FMNL2: variants seen among roughly 807,000 people sequenced by gnomAD.
The protein encoded by FMNL2 is formin like 2.
In FMNL2, 51 loss-of-function variants were observed where a neutral mutation model predicts 130.2. The ratio of observed to expected loss-of-function variants is 0.39; its 90% CI spans 0.31 to 0.49. The LOEUF (loss-of-function observed/expected upper bound fraction) is 0.49. Among genes scored for constraint, FMNL2 ranks in the 20% least tolerant of loss-of-function variants. The probability of loss-of-function intolerance (pLI) is 0.85; values close to 1 mark genes in which losing one functional copy is unlikely to be tolerated. For missense variants in FMNL2, 977 were observed against 1,316.2 expected, an observed-to-expected ratio of 0.74 and a Z score of 3.99; for synonymous variants, 465 against 467.1, an observed-to-expected ratio of 1.00 and a Z score of 0.06.
intron 1 of FMNL2, among the ~76,000 whole-genome samples, chr2:152,393,197 CTG>C (rs1348519261): frequency 6.6e-6 from 1 of 152,144 alleles, no homozygotes; most frequent in Non-Finnish European, 1.5e-5. Flanking sequence ...AGGTAAGACA[CTG>C]TGGTATCAAC....
intron 18 of FMNL2, among the ~76,000 whole-genome samples, chr2:152,628,811 C>A (rs1029858221): frequency 2.0e-5 from 3 of 152,132 alleles, no homozygotes; most frequent in African/African-American, 7.2e-5. Context: ...GGACAGGGGA[C>A]AAAGAAACTT....
chr2:152,430,278 C>T (rs1687425951), intron 1 of FMNL2, among the ~76,000 whole-genome samples: 1 of 152,184 alleles, frequency 6.6e-6, no homozygotes. Context: ...GAACTTGCGA[C>T]CAGGCTATCC....
At chr2:152,407,859 A>G (rs1448745079) in intron 1 of FMNL2, among the ~76,000 whole-genome samples, 2 of 152,182 alleles carry the variant, frequency 1.3e-5, no homozygotes, top group African/African-American at 4.8e-5. Flanking sequence ...AACAATCACC[A>G]CTGCAGTACC....
In FMNL2 at chr2:152,637,686, G is replaced by C; in HGVS notation, c.2946+12G>C. 4 of 1,609,700 alleles carry C rather than the reference G, an allele frequency of 2.5e-6. No homozygotes were observed. Among genetic ancestry groups the C allele is most frequent in the South Asian group, 1.1e-5 (1 of 90,972 alleles). ...TGAAAGCATATAAGGTATATGTTAA[G>C]GCCCTCCTTGCCCTTATTTCTCAAG... is the stretch of plus-strand genomic sequence containing the variant. On this transcript the variant is annotated intron_variant, in intron 23 of 25. Coordinates refer to ENST00000288670, the MANE Select transcript of FMNL2 (RefSeq NM_052905.4).
chr2:152,375,869 C>CTATATATA (rs1376054574), intron 1 of FMNL2, among the ~76,000 whole-genome samples: 18 of 113,272 alleles, frequency 1.6e-4, no homozygotes, highest in African/African-American at 4.7e-4. Flanking sequence ...CTCTCTCTCT[C>CTATATATA]TCTCTCTCTA....
intron 1 of FMNL2, among the ~76,000 whole-genome samples, chr2:152,520,316 A>T (rs1280036949): frequency 2.0e-5 from 3 of 152,142 alleles, no homozygotes; most frequent in Non-Finnish European, 2.9e-5. Flanking sequence ...ATTTTAGGCC[A>T]GGCATGGTGG....
Position 152,505,688 on chromosome 2 carries a change from GAAGGATACT to G in FMNL2, c.118-16250_118-16242del, listed in dbSNP as rs113078757. Among the ~76,000 whole-genome samples, 976 of 152,350 alleles carry G rather than the reference GAAGGATACT, an allele frequency of 6.4e-3. 7 individuals are homozygous for G. The highest frequency in any genetic ancestry group is 0.022 in the African/African-American group (923 of 41,594). On this transcript the variant is annotated intron_variant, in intron 1 of 25. Transcript: ENST00000288670. ...AGAGTCACAGGACTGTGGGTTAGAA[GAAGGATACT>G]AAGGGTCATCGGGCTCCAGCCGGCT...
chr2:152,531,802 G>A (rs1237296943), intron 2 of FMNL2, among the ~76,000 whole-genome samples: 2 of 152,136 alleles, frequency 1.3e-5, no homozygotes, highest in African/African-American at 4.8e-5. Flanking sequence ...TGGGATCACT[G>A]GAGCCTGGGT....
intron 23 of FMNL2, 71 bp downstream of exon 23, chr2:152,637,745 A>C: frequency 7.2e-7 from 1 of 1,397,630 alleles, no homozygotes; most frequent in Admixed American, 1.8e-5. Context: ...CTGAGTCCCA[A>C]CTCTCTGCAG....
intron 1 of FMNL2, among the ~76,000 whole-genome samples, chr2:152,416,085 G>A (rs1452558004): frequency 6.6e-6 from 1 of 151,914 alleles, no homozygotes; most frequent in African/African-American, 2.4e-5. Flanking sequence ...ATGGAGGAGG[G>A]CTTTTCAGGA....
intron 1 of FMNL2, among the ~76,000 whole-genome samples, chr2:152,386,664 TTGTC>T (rs142670803): frequency 0.21 from 31,293 of 151,922 alleles, 3,452 homozygotes; most frequent in Admixed American, 0.34. Flanking sequence ...CAGCAATTCA[TTGTC>T]TGTCTGATTT....
intron 1 of FMNL2, among the ~76,000 whole-genome samples, chr2:152,447,070 C>T (rs1457267101): frequency 6.7e-6 from 1 of 150,294 alleles, no homozygotes; most frequent in African/African-American, 2.4e-5. Context: ...GAGACTTTGT[C>T]AATCTTCTAA....
chr2:152,547,651 G>T (rs1355083987), intron 3 of FMNL2, among the ~76,000 whole-genome samples: 1 of 152,140 alleles, frequency 6.6e-6, no homozygotes, highest in Non-Finnish European at 1.5e-5. Flanking sequence ...CCAGGTGTGG[G>T]CGTAGCTCTT....
At chr2:152,352,285 C>G (rs1158484762) in intron 1 of FMNL2, among the ~76,000 whole-genome samples, 1 of 152,094 alleles carries the variant, frequency 6.6e-6, no homozygotes, top group Admixed American at 6.6e-5. Context: ...TTAATCGTTT[C>G]AGTAAACATG....
chr2:152,403,561 T>G (rs1012572332), intron 1 of FMNL2, among the ~76,000 whole-genome samples: 2 of 152,124 alleles, frequency 1.3e-5, no homozygotes, highest in Non-Finnish European at 2.9e-5. Flanking sequence ...TACACTCATT[T>G]TTTTTTTTTA....
chr2:152,590,052 T>G (rs939597002), intron 9 of FMNL2, among the ~76,000 whole-genome samples: 2 of 146,150 alleles, frequency 1.4e-5, no homozygotes, highest in Non-Finnish European at 3.0e-5. Context: ...TACATATATA[T>G]ATATATAATT....
chr2:152,422,316 A>G (rs1013383715), intron 1 of FMNL2, among the ~76,000 whole-genome samples: 2 of 152,176 alleles, frequency 1.3e-5, no homozygotes, highest in Non-Finnish European at 2.9e-5. Context: ...GAGATCACAT[A>G]TGTTCATGAT....
intron 1 of FMNL2, among the ~76,000 whole-genome samples, chr2:152,397,664 T>C (rs947478739): frequency 6.6e-6 from 1 of 152,130 alleles, no homozygotes; most frequent in Non-Finnish European, 1.5e-5. Flanking sequence ...CCTTTTTTTT[T>C]CTTTTATTTG....
intron 11 of FMNL2, among the ~76,000 whole-genome samples, chr2:152,611,988 A>C (rs1412571808): frequency 6.6e-6 from 1 of 152,214 alleles, no homozygotes; most frequent in Non-Finnish European, 1.5e-5. Context: ...AAGTCAAGCC[A>C]AGACTGTAGA....
Sources: gnomAD v4.1 joint callset for allele counts (sites outside exome capture counted in the v4.1 genomes callset) on GRCh38, gnomAD v4.1.1 for gene constraint, MANE v1.5 for transcripts, NCBI Gene and HGNC (gene_info 2026-07-23, HGNC 2026-07-21) for gene names.